LRRTM4: variants seen among roughly 807,000 people sequenced by gnomAD.
The protein encoded by LRRTM4 is leucine-rich repeat transmembrane neuronal protein 4.
LRRTM4 carries 25 observed loss-of-function variants against 47.6 expected under a neutral mutation model. The ratio of observed to expected loss-of-function variants is 0.53; its 90% CI spans 0.38 to 0.73. The LOEUF (loss-of-function observed/expected upper bound fraction) is 0.73. Among genes scored for constraint, LRRTM4 ranks in the 30% least tolerant of loss-of-function variants. LRRTM4 has a pLI of 0.00. For missense variants in LRRTM4, 638 were observed against 713.4 expected (o/e 0.89, Z 1.20); for synonymous variants, 311 against 269.5 (o/e 1.15, Z -1.51).
chr2:77,288,483 A>T (rs1247922067), intron 3 of LRRTM4, among the ~76,000 whole-genome samples: 2 of 152,004 alleles, frequency 1.3e-5, no homozygotes, highest in Non-Finnish European at 2.9e-5. Context: ...TGAAAAGTCA[A>T]TATCATCTTA....
chr2:77,417,952 A>G (rs1674713133), intron 3 of LRRTM4, among the ~76,000 whole-genome samples: 1 of 152,234 alleles, frequency 6.6e-6, no homozygotes, highest in African/African-American at 2.4e-5. Context: ...TGTTTGAATA[A>G]TAATAGTTCC....
Position 77,432,475 on chromosome 2 carries a change from A to T in LRRTM4, c.1551+85843T>A, listed in dbSNP as rs188619196. ...TGTAAGGTATATCCTTTAAATATAT[A>T]TTGTTTATTAAACTTTAGAAAAACA... On this transcript the variant is annotated intron_variant, in intron 3 of 3. Transcript: ENST00000409884. Among the ~76,000 whole-genome samples the T allele has an allele frequency of 5.9e-5, 9 of 152,368 alleles. No individual in the cohort carries two copies. The East Asian group carries it at 1.5e-3, about 26-fold the overall frequency.
chr2:77,408,334 T>A (rs1052215215), intron 3 of LRRTM4, among the ~76,000 whole-genome samples: 3 of 152,198 alleles, frequency 2.0e-5, no homozygotes, highest in Non-Finnish European at 4.4e-5. Flanking sequence ...TCTTTCTTAA[T>A]AGCTCAATAT....
At chr2:76,874,483 G>A (rs1231055304) in intron 3 of LRRTM4, among the ~76,000 whole-genome samples, 2 of 151,956 alleles carry the variant, frequency 1.3e-5, no homozygotes, top group East Asian at 1.9e-4. Flanking sequence ...TGGGGTGAAT[G>A]AGTGGTCTGA....
chr2:77,407,668 T>A (rs1210822662), intron 3 of LRRTM4, among the ~76,000 whole-genome samples: 2 of 128,426 alleles, frequency 1.6e-5, no homozygotes, highest in Non-Finnish European at 3.1e-5. Context: ...TTATATATAA[T>A]AATTATATAA....
chr2:77,239,169 A>T (rs762449962), intron 3 of LRRTM4, among the ~76,000 whole-genome samples: 10 of 151,960 alleles, frequency 6.6e-5, no homozygotes, highest in Admixed American at 5.9e-4. Flanking sequence ...TATTAGCAAG[A>T]TATGGTAGGT....
intron 3 of LRRTM4, among the ~76,000 whole-genome samples, chr2:76,982,863 C>T (rs1399507204): frequency 6.6e-6 from 1 of 151,982 alleles, no homozygotes; most frequent in African/African-American, 2.4e-5. Context: ...AAGTGAGGGG[C>T]AGAGAGTCAC....
At chr2:77,400,287 A>C (rs1673896876) in intron 3 of LRRTM4, among the ~76,000 whole-genome samples, 1 of 151,668 alleles carries the variant, frequency 6.6e-6, no homozygotes, top group Non-Finnish European at 1.5e-5. Context: ...CAGCTGAGTA[A>C]TTGGCTCTAC....
rs530331961 is a variant in LRRTM4, at chr2:76,801,767, A to C, written c.1552-52851T>G. ...AATTCAATAGCACATTAAAAGGATC[A>C]TTCACCACGATCAAATGAGATTTAT... On this transcript the variant is annotated intron_variant, in intron 3 of 3. Transcript: ENST00000409884. 3.3e-5 allele frequency among the ~76,000 whole-genome samples: 5 copies of C among 152,302 alleles called. 1 individual carries two copies. In the East Asian group the frequency reaches 9.7e-4, roughly 29 times the overall value.
At chr2:77,050,507 T>C (rs1679394734) in intron 3 of LRRTM4, among the ~76,000 whole-genome samples, 1 of 152,174 alleles carries the variant, frequency 6.6e-6, no homozygotes, top group African/African-American at 2.4e-5. Context: ...CGTGTCAGAA[T>C]ACTTCTATAA....
At chr2:77,017,666 C>T (rs1678115695) in intron 3 of LRRTM4, among the ~76,000 whole-genome samples, 1 of 152,098 alleles carries the variant, frequency 6.6e-6, no homozygotes, top group African/African-American at 2.4e-5. Flanking sequence ...ATACATAACT[C>T]CTCTCCTCCT....
intron 3 of LRRTM4, among the ~76,000 whole-genome samples, chr2:76,962,119 G>A (rs1232937669): frequency 6.6e-6 from 1 of 151,202 alleles, no homozygotes; most frequent in African/African-American, 2.4e-5. Context: ...CTAAGGCTTG[G>A]AGTAGTAAAC....
intron 3 of LRRTM4, among the ~76,000 whole-genome samples, chr2:76,941,368 GGTTT>G (rs1301900820): frequency 1.3e-5 from 2 of 152,052 alleles, no homozygotes; most frequent in African/African-American, 2.4e-5. Flanking sequence ...AGAACATGCA[GGTTT>G]GTTACATAGG....
chr2:76,933,054 AT>A (rs955927056), intron 3 of LRRTM4, among the ~76,000 whole-genome samples: 22 of 152,038 alleles, frequency 1.4e-4, no homozygotes, highest in Non-Finnish European at 2.5e-4. Context: ...CTCACATCCT[AT>A]TTTTTTATGC....
At chr2:77,297,793 T>C (rs963960242) in intron 3 of LRRTM4, among the ~76,000 whole-genome samples, 7 of 152,202 alleles carry the variant, frequency 4.6e-5, no homozygotes, top group African/African-American at 1.7e-4. Flanking sequence ...TTCCACTTTA[T>C]GGGTCTTCAT....
intron 3 of LRRTM4, among the ~76,000 whole-genome samples, chr2:77,034,185 T>C (rs1431485127): frequency 6.6e-6 from 1 of 151,856 alleles, no homozygotes. Context: ...CATTTCAAAT[T>C]GTTTAATTTT....
rs144860232 is a variant in LRRTM4, at chr2:77,298,500, G to C, written c.1551+219818C>G. On this transcript the variant is annotated intron_variant, in intron 3 of 3. Coordinates refer to ENST00000409884, the MANE Select transcript of LRRTM4 (RefSeq NM_001134745.3). ...GATCCGCCCGCCTCGGCCTCCCAAA[G>C]TGCTGGGATTACAGGCGTTAAAGGA... Among the ~76,000 whole-genome samples the C allele has an allele frequency of 8.8e-3, 1,339 of 152,306 alleles. 13 individuals carry two copies. The highest frequency in any genetic ancestry group is 0.031 in the African/African-American group (1,284 of 41,592).
chr2:76,789,433 C>T (rs762831830), intron 3 of LRRTM4, among the ~76,000 whole-genome samples: 1 of 152,174 alleles, frequency 6.6e-6, no homozygotes, highest in East Asian at 1.9e-4. Context: ...AAGAGTAACT[C>T]GAACACCATG....
intron 3 of LRRTM4, among the ~76,000 whole-genome samples, chr2:77,168,601 A>G (rs1672956456): frequency 6.6e-6 from 1 of 152,148 alleles, no homozygotes; most frequent in African/African-American, 2.4e-5. Flanking sequence ...TATATGAGAA[A>G]TGATTGTTAA....
Sources: allele counts gnomAD v4.1 joint callset (sites outside exome capture counted in the v4.1 genomes callset), GRCh38; gene constraint gnomAD v4.1.1; transcripts MANE v1.5; gene names NCBI Gene and HGNC (gene_info 2026-07-23, HGNC 2026-07-21).